The following PPARGC1A variants were observed in gnomAD, a reference collection of about 807,000 sequenced individuals.
The protein encoded by PPARGC1A is PPARG coactivator 1 alpha.
PPARGC1A carries 25 observed loss-of-function variants against 88.7 expected under a neutral mutation model. That is an observed-to-expected ratio of 0.28 (90% CI 0.21 to 0.39). The LOEUF (loss-of-function observed/expected upper bound fraction) is 0.39, where lower values mean the gene tolerates loss of function less well. Ranked by LOEUF, PPARGC1A falls within the 10% of genes least tolerant of loss-of-function variation. PPARGC1A has a pLI of 1.00. For missense variants in PPARGC1A, 880 were observed against 968.7 expected, an observed-to-expected ratio of 0.91 and a Z score of 1.22; for synonymous variants, 363 against 355.6, an observed-to-expected ratio of 1.02 and a Z score of -0.24.
intron 10 of PPARGC1A, among the ~76,000 whole-genome samples, chr4:23,809,001 A>G (rs1401171116): frequency 3.3e-5 from 5 of 151,844 alleles, no homozygotes; most frequent in African/African-American, 4.8e-5. Flanking sequence ...TTCCCTAAAT[A>G]TATGATTGCT....
the PPARGC1A span, among the ~76,000 whole-genome samples, chr4:24,449,025 T>C: frequency 3.3e-5 from 5 of 152,194 alleles, no homozygotes; most frequent in East Asian, 7.7e-4. Context: ...TAAAACGTTG[T>C]TTTCCCTTTG....
upstream of PPARGC1A, among the ~76,000 whole-genome samples, chr4:23,903,608 A>G (rs1719680448): frequency 6.6e-6 from 1 of 152,186 alleles, no homozygotes; most frequent in Non-Finnish European, 1.5e-5. Flanking sequence ...CATTTCCTTA[A>G]GGAGCTACAT....
At chr4:23,970,276 C>G in the PPARGC1A span, among the ~76,000 whole-genome samples, 1 of 152,192 alleles carries the variant, frequency 6.6e-6, no homozygotes, top group Non-Finnish European at 1.5e-5. Flanking sequence ...GCAAGCAAAA[C>G]TTGGCCTGCT....
chr4:24,360,983 A>T, the PPARGC1A span, among the ~76,000 whole-genome samples: 45 of 152,294 alleles, frequency 3.0e-4, no homozygotes, highest in African/African-American at 1.0e-3. Context: ...CACAAAGGAG[A>T]TGCCCCTTGA....
the PPARGC1A span, among the ~76,000 whole-genome samples, chr4:23,962,575 C>G: frequency 6.6e-6 from 1 of 152,106 alleles, no homozygotes; most frequent in Non-Finnish European, 1.5e-5. Context: ...GAAACTCAGG[C>G]TGACTTTTCC....
intron 2 of PPARGC1A, among the ~76,000 whole-genome samples, chr4:23,844,860 A>G (rs1161108420): frequency 4.8e-5 from 5 of 104,566 alleles, no homozygotes; most frequent in Non-Finnish European, 9.2e-5. Flanking sequence ...ATTATAATAT[A>G]TGATATATAT....
chr4:24,076,489 T>C, the PPARGC1A span, among the ~76,000 whole-genome samples: 6 of 152,168 alleles, frequency 3.9e-5, no homozygotes, highest in African/African-American at 1.4e-4. Context: ...TACAAGTTTA[T>C]TGAGTGGGGA....
upstream of PPARGC1A, among the ~76,000 whole-genome samples, chr4:23,903,671 T>C (rs1306429145): frequency 6.6e-6 from 1 of 152,230 alleles, no homozygotes; most frequent in East Asian, 1.9e-4. Context: ...TACACAACTC[T>C]AAAAATCTTT....
intron 2 of PPARGC1A, among the ~76,000 whole-genome samples, chr4:23,848,153 G>A (rs1416656026): frequency 6.6e-6 from 1 of 152,178 alleles, no homozygotes; most frequent in African/African-American, 2.4e-5. Context: ...TTAAGGAAGA[G>A]TTAAGCAGCA....
At chr4:24,431,627 A>G in the PPARGC1A span, among the ~76,000 whole-genome samples, 1 of 152,222 alleles carries the variant, frequency 6.6e-6, no homozygotes, top group African/African-American at 2.4e-5. Flanking sequence ...GTGCTGGAAG[A>G]AAGTGTAGTG....
At chr4:24,410,554 T>C in the PPARGC1A span, among the ~76,000 whole-genome samples, 2 of 152,202 alleles carry the variant, frequency 1.3e-5, no homozygotes, top group Non-Finnish European at 2.9e-5. Flanking sequence ...GGATGCAAAG[T>C]ATTGTTCCTG....
chr4:23,885,838 T>A (rs963025302), intron 1 of PPARGC1A, among the ~76,000 whole-genome samples: 8 of 152,202 alleles, frequency 5.3e-5, no homozygotes, highest in Non-Finnish European at 7.3e-5. Flanking sequence ...AATTTCTACA[T>A]ATTGAGAGGT....
chr4:24,328,790 G>A, the PPARGC1A span, among the ~76,000 whole-genome samples: 4 of 152,208 alleles, frequency 2.6e-5, no homozygotes, highest in African/African-American at 9.7e-5. Context: ...TTCTTTGAGG[G>A]CAGTGGAGGG....
the PPARGC1A span, among the ~76,000 whole-genome samples, chr4:24,278,909 C>T: frequency 6.6e-6 from 1 of 152,186 alleles, no homozygotes; most frequent in African/African-American, 2.4e-5. Flanking sequence ...CTAGGTCACT[C>T]TTACTCACCA....
rs79768509 is a variant in PPARGC1A, at chr4:23,885,691, C to T, written c.55-760G>A. On this transcript the variant is annotated intron_variant, in intron 1 of 12. Transcript: ENST00000264867. Reference sequence around the variant, plus strand: ...GTGTTTGCACACGTATGTGTGTGTACGGTTGGAATCACCTAGTACCTGGAA... The same window carrying T: ...GTGTTTGCACACGTATGTGTGTGTATGGTTGGAATCACCTAGTACCTGGAA... 3.1e-3 allele frequency among the ~76,000 whole-genome samples: 475 copies of T among 151,842 alleles called. 2 individuals carry two copies. The highest frequency in any genetic ancestry group is 0.011 in the African/African-American group (446 of 41,372).
At chr4:24,379,969 G>A in the PPARGC1A span, among the ~76,000 whole-genome samples, 30 of 152,044 alleles carry the variant, frequency 2.0e-4, no homozygotes, top group African/African-American at 7.2e-4. Context: ...GTAAAGACAG[G>A]GTTTCACCAT....
At chr4:24,215,296 G>T in the PPARGC1A span, among the ~76,000 whole-genome samples, 1 of 152,222 alleles carries the variant, frequency 6.6e-6, no homozygotes, top group East Asian at 1.9e-4. Context: ...GAGAGAATGG[G>T]ATTGTGCACA....
chr4:23,999,677 T>A, the PPARGC1A span, among the ~76,000 whole-genome samples: 1 of 152,222 alleles, frequency 6.6e-6, no homozygotes, highest in Non-Finnish European at 1.5e-5. Flanking sequence ...CCCTTTGGGC[T>A]GAATGTCAAA....
chr4:24,005,667 T>C, the PPARGC1A span, among the ~76,000 whole-genome samples: 8 of 151,936 alleles, frequency 5.3e-5, no homozygotes, highest in Non-Finnish European at 1.2e-4. Flanking sequence ...ACGGAAAGGA[T>C]TGAGGTGAAA....
Sources: gnomAD v4.1 joint callset for allele counts (sites outside exome capture counted in the v4.1 genomes callset) on GRCh38, gnomAD v4.1.1 for gene constraint, MANE v1.5 for transcripts, NCBI Gene and HGNC (gene_info 2026-07-23, HGNC 2026-07-21) for gene names.